FAM13B: variants seen among roughly 807,000 people sequenced by gnomAD.
The protein encoded by FAM13B is family with sequence similarity 13 member B.
In FAM13B, 60 loss-of-function variants were observed where a neutral mutation model predicts 117.3. The ratio of observed to expected loss-of-function variants is 0.51; its 90% CI spans 0.42 to 0.63. The LOEUF is 0.63. Among genes scored for constraint, FAM13B ranks in the 30% least tolerant of loss-of-function variants. The pLI, the probability that FAM13B is intolerant of heterozygous loss-of-function variation, is 0.00. For missense variants in FAM13B, 972 were observed against 1,091.9 expected, an observed-to-expected ratio of 0.89 and a Z score of 1.55; for synonymous variants, 332 against 356.1, an observed-to-expected ratio of 0.93 and a Z score of 0.76.
chr5:137,956,922 T>C (rs1416104080), intron 13 of FAM13B, among the ~76,000 whole-genome samples: 7 of 152,218 alleles, frequency 4.6e-5, no homozygotes, highest in Non-Finnish European at 8.8e-5. Flanking sequence ...CTGCATTTCA[T>C]TCCAGAGTTA....
intron 10 of FAM13B, among the ~76,000 whole-genome samples, chr5:137,975,778 C>T (rs1051271810): frequency 1.3e-5 from 2 of 152,014 alleles, no homozygotes; most frequent in Non-Finnish European, 2.9e-5. Flanking sequence ...CCATCTCTCA[C>T]TCCCAACCCC....
intron 1 of FAM13B, among the ~76,000 whole-genome samples, chr5:138,044,730 A>C (rs1791596771): frequency 6.6e-6 from 1 of 152,214 alleles, no homozygotes; most frequent in East Asian, 1.9e-4. Context: ...CATTCAACCC[A>C]AAAAGGACTA....
At chr5:137,987,677 A>C in intron 8 of FAM13B, 61 bp from the exon 9 acceptor site, 1 of 1,506,594 alleles carries the variant, frequency 6.6e-7, no homozygotes. Context: ...GGTGACACAG[A>C]CATAAATGCT....
Position 138,026,131 on chromosome 5 carries a change from TACA to T in FAM13B, c.-202-4937_-202-4935del, listed in dbSNP as rs550789109. Among the ~76,000 whole-genome samples the T allele has an allele frequency of 1.6e-4, 25 of 152,298 alleles. No homozygotes were observed. In the South Asian group the frequency reaches 4.6e-3, roughly 28 times the overall value. The stretch of plus-strand genomic sequence containing the variant: ...TAACTATATCAACTCATTTAATCCT[TACA>T]ACAACCCTAAAGGAGGCAAATACTT... On this transcript the variant is annotated intron_variant, in intron 1 of 23. Coordinates refer to ENST00000689681, the MANE Select transcript of FAM13B (RefSeq NM_001385994.1).
At chr5:138,002,922 C>T (rs1781647400) in intron 7 of FAM13B, among the ~76,000 whole-genome samples, 1 of 151,574 alleles carries the variant, frequency 6.6e-6, no homozygotes, top group Non-Finnish European at 1.5e-5. Flanking sequence ...GATCTGCCTG[C>T]CTCAGCCTCC....
In FAM13B at chr5:137,940,117, A is replaced by G. The variant is rs745744896; in HGVS notation, c.*108T>C. The G allele has an allele frequency of 6.2e-6, 10 of 1,614,046 alleles. No individual in the cohort carries two copies. Among genetic ancestry groups the G allele is most frequent in the Non-Finnish European group, 7.6e-6 (9 of 1,180,000 alleles). On this transcript the variant is annotated 3_prime_UTR_variant, in exon 24 of 24. Transcript: ENST00000689681. ...GCACCACAACCAAGTACAAAATGAG[A>G]TTCTCTGAGTGCCTGACAAAACGAA...
At position 137,985,190 on chromosome 5, in the gene FAM13B, T is replaced by C. The variant is rs1462009470; in HGVS notation, c.1179+67A>G. The C allele has an allele frequency of 3.4e-6, 5 of 1,489,564 alleles. No individual in the cohort carries two copies. The African/African-American group carries it at 4.2e-5, about 12-fold the overall frequency. The allele number at this position is 1,489,564 out of a possible 1,614,324, so 92.3% of individuals were successfully genotyped here. A position where few individuals can be genotyped will look rare whatever the true frequency, so the allele number is the denominator to read the frequency against. ...CAGCAAAATACTGAACTATAACTTC[T>C]GGCATCAAAGAAACACATGAAGCAA... On this transcript the variant is annotated intron_variant, in intron 10 of 23. Coordinates refer to ENST00000689681, the MANE Select transcript of FAM13B (RefSeq NM_001385994.1).
At chr5:137,959,341 G>A (rs1161151613) in intron 13 of FAM13B, among the ~76,000 whole-genome samples, 2 of 152,104 alleles carry the variant, frequency 1.3e-5, no homozygotes, top group East Asian at 1.9e-4. Context: ...TAACAAAAAC[G>A]TATGCTGGGT....
chr5:138,014,875 A>C (rs1223344458), intron 4 of FAM13B, among the ~76,000 whole-genome samples: 4 of 152,214 alleles, frequency 2.6e-5, no homozygotes, highest in Admixed American at 2.0e-4. Context: ...TACTTGCTTA[A>C]ATTTCTTTCC....
chr5:137,993,857 C>G (rs746647726), intron 7 of FAM13B, among the ~76,000 whole-genome samples: 3 of 151,860 alleles, frequency 2.0e-5, no homozygotes, highest in African/African-American at 4.8e-5. Flanking sequence ...TTCCAAGTTC[C>G]CACTCCAAAT....
At position 137,940,047 on chromosome 5, in the gene FAM13B, C is replaced by T; in HGVS notation, c.*178G>A. On this transcript the variant is annotated 3_prime_UTR_variant, in exon 24 of 24. Transcript: ENST00000689681. ...TAATATGGAACATCACTTACGCTCC[C>T]TTGAGAGGGCCTACTTACTCTCCCA... 1 of 1,613,740 alleles carries T rather than the reference C, an allele frequency of 6.2e-7. No individual in the cohort carries two copies.
At position 138,008,392 on chromosome 5, in the gene FAM13B, C is replaced by T. The variant is rs183924845; in HGVS notation, c.691-1245G>A. ...AGGAGGTCGGGGCTGCAGAGAGACG[C>T]GATTGTGACACTGCACTCCAACTTG... On this transcript the variant is annotated intron_variant, in intron 6 of 23. Coordinates refer to ENST00000689681, the MANE Select transcript of FAM13B (RefSeq NM_001385994.1). Among the ~76,000 whole-genome samples the T allele has an allele frequency of 2.6e-5, 4 of 152,138 alleles. No individual in the cohort carries two copies. In the East Asian group the frequency reaches 7.7e-4, roughly 29 times the overall value.
chr5:138,020,232 G>T (rs1376916885), intron 2 of FAM13B, among the ~76,000 whole-genome samples: 12 of 151,910 alleles, frequency 7.9e-5, no homozygotes, highest in Non-Finnish European at 1.3e-4. Flanking sequence ...GGCTAATTTT[G>T]TATTTTTAGT....
At chr5:138,009,193 T>G (rs1243727989) in intron 6 of FAM13B, among the ~76,000 whole-genome samples, 1 of 152,302 alleles carries the variant, frequency 6.6e-6, no homozygotes, top group South Asian at 2.1e-4. Context: ...TAAGTTCACA[T>G]GTAAAGTACA....
chr5:138,010,189 C>T (rs887769294), intron 6 of FAM13B, among the ~76,000 whole-genome samples: 1 of 152,266 alleles, frequency 6.6e-6, no homozygotes. Context: ...CCATGTTGGC[C>T]GGGCTGGTCT....
chr5:137,948,014 G>C (rs953282153), intron 18 of FAM13B, among the ~76,000 whole-genome samples: 1 of 152,118 alleles, frequency 6.6e-6, no homozygotes, highest in Non-Finnish European at 1.5e-5. Flanking sequence ...CTGTTGTCAA[G>C]ATAAGAGTTC....
chr5:138,030,714 C>CG (rs1789673691), intron 1 of FAM13B, among the ~76,000 whole-genome samples: 1 of 138,668 alleles, frequency 7.2e-6, no homozygotes. Flanking sequence ...AACTCCGTCC[C>CG]CCCCCCCCAA....
chr5:138,032,675 GAGCAGGCGCGGGT>G, intron 1 of FAM13B, 94 bp downstream of exon 1: 1 of 965,550 alleles, frequency 1.0e-6, no homozygotes, highest in Non-Finnish European at 1.2e-6. Flanking sequence ...CAACGCCCGA[GAGCAGGCGCGGGT>G]GGCAGGCGGC....
intron 10 of FAM13B, among the ~76,000 whole-genome samples, chr5:137,967,218 G>A (rs1253778046): frequency 2.6e-5 from 4 of 152,108 alleles, no homozygotes; most frequent in Admixed American, 1.3e-4. Flanking sequence ...AAGAAAGTAG[G>A]TAGTTCCTTA....
Sources: gnomAD v4.1 joint callset for allele counts (sites outside exome capture counted in the v4.1 genomes callset) on GRCh38, gnomAD v4.1.1 for gene constraint, MANE v1.5 for transcripts, NCBI Gene and HGNC (gene_info 2026-07-23, HGNC 2026-07-21) for gene names.